Variants in ARHGAP6 observed in about 807,000 individuals in gnomAD.
ARHGAP6 encodes Rho GTPase activating protein 6.
A neutral mutation model predicts 55.7 loss-of-function variants in ARHGAP6; 16 were observed. The observed-to-expected ratio is 0.29, with a 90% CI of 0.19 to 0.44. The LOEUF (loss-of-function observed/expected upper bound fraction) is 0.44. ARHGAP6 is among the 20% of genes least tolerant of loss of function. The pLI, the probability that ARHGAP6 is intolerant of heterozygous loss-of-function variation, is 1.00. For missense variants in ARHGAP6, 698 were observed against 808.9 expected (o/e 0.86, Z 1.66); for synonymous variants, 382 against 360.9 (o/e 1.06, Z -0.66).
chrX:11,523,187 C>T (rs769737222), intron 1 of ARHGAP6, among the ~76,000 whole-genome samples: 118 of 111,704 alleles, frequency 1.1e-3, no homozygotes, highest in South Asian at 9.1e-3. Flanking sequence ...TTCAACAGCC[C>T]TTCATGCTAA....
Position 11,182,648 on chromosome X carries a change from T to C in ARHGAP6, c.1274-530A>G, listed in dbSNP as rs755294676. On this transcript the variant is annotated intron_variant, in intron 5 of 12. Coordinates refer to ENST00000337414, the MANE Select transcript of ARHGAP6 (RefSeq NM_013427.3). ...TTTTCCTTTTTTCTTTTTTTTTTTT[T>C]TTTTTGAGATAGATTCTCACTTTGT... is the stretch of plus-strand genomic sequence containing the variant. Among the ~76,000 whole-genome samples, 40 of 103,646 alleles carry C rather than the reference T, an allele frequency of 3.9e-4. No homozygotes were observed. In the East Asian group the frequency reaches 0.011, roughly 28 times the overall value. 90.0% of individuals were successfully genotyped at this position (103,646 alleles called of 115,157 possible).
intron 1 of ARHGAP6, among the ~76,000 whole-genome samples, chrX:11,423,188 C>T (rs1018714267): frequency 8.9e-6 from 1 of 112,976 alleles, no homozygotes; most frequent in Non-Finnish European, 1.9e-5. Flanking sequence ...GATGTCTACA[C>T]TGTTAGCACC....
intron 1 of ARHGAP6, among the ~76,000 whole-genome samples, chrX:11,305,861 C>T (rs780123471): frequency 3.6e-5 from 4 of 111,801 alleles, no homozygotes; most frequent in South Asian, 3.8e-4. Context: ...AATAAAACCC[C>T]TACAGCCATG....
At chrX:11,456,001 A>T (rs1156318077) in intron 1 of ARHGAP6, among the ~76,000 whole-genome samples, 1 of 112,449 alleles carries the variant, frequency 8.9e-6, no homozygotes, top group East Asian at 2.8e-4. Flanking sequence ...TATTAGAATT[A>T]ACAAGAGTTC....
rs775930844 is a variant in ARHGAP6 at position 11,388,077 on chromosome X, A to G, written c.589-133370T>C. Among the ~76,000 whole-genome samples, 176 of 111,837 alleles carry G rather than the reference A, an allele frequency of 1.6e-3. 1 individual carries two copies. Among genetic ancestry groups the G allele is most frequent in the Middle Eastern group, 4.6e-3 (1 of 218 alleles). On this transcript the variant is annotated intron_variant, in intron 1 of 12. Coordinates refer to ENST00000337414, the MANE Select transcript of ARHGAP6 (RefSeq NM_013427.3). Reference sequence around the variant, plus strand: ...CCTTTGGGTATATACCCAGTAATGCAATGGCTGGGTCAAATGGTATTTCAA... The same window carrying G: ...CCTTTGGGTATATACCCAGTAATGCGATGGCTGGGTCAAATGGTATTTCAA...
At chrX:11,512,114 C>T (rs1393848403) in intron 1 of ARHGAP6, among the ~76,000 whole-genome samples, 1 of 111,629 alleles carries the variant, frequency 9.0e-6, no homozygotes, top group Non-Finnish European at 1.9e-5. Context: ...GTGTGAGCCA[C>T]CACGCGTTTT....
At chrX:11,586,439 C>A (rs1206414569) in intron 1 of ARHGAP6, among the ~76,000 whole-genome samples, 1 of 111,598 alleles carries the variant, frequency 9.0e-6, no homozygotes, top group African/African-American at 3.3e-5. Context: ...GTCCTTTCCC[C>A]ATTGCTTGTT....
chrX:11,638,397 G>C (rs1341242742), intron 1 of ARHGAP6, among the ~76,000 whole-genome samples: 1 of 111,848 alleles, frequency 8.9e-6, no homozygotes, highest in South Asian at 3.7e-4. Context: ...TAGTGTTCAG[G>C]TTCTATGTGC....
At chrX:11,241,354 A>G (rs1210365863) in intron 2 of ARHGAP6, among the ~76,000 whole-genome samples, 3 of 110,997 alleles carry the variant, frequency 2.7e-5, no homozygotes, top group African/African-American at 6.5e-5. Flanking sequence ...TAAGCATTCT[A>G]TTGGTGAAAA....
At chrX:11,543,998 T>G (rs2051187019) in intron 1 of ARHGAP6, among the ~76,000 whole-genome samples, 1 of 112,670 alleles carries the variant, frequency 8.9e-6, no homozygotes, top group African/African-American at 3.2e-5. Flanking sequence ...ACAAGGAAAT[T>G]GACTTAATGC....
chrX:11,344,959 C>A (rs1040207435), intron 1 of ARHGAP6, among the ~76,000 whole-genome samples: 3 of 111,868 alleles, frequency 2.7e-5, no homozygotes, highest in African/African-American at 9.7e-5. Context: ...TACCACAAGG[C>A]AATTAGTATG....
intron 1 of ARHGAP6, among the ~76,000 whole-genome samples, chrX:11,411,183 TTATATATATATATATATATATATA>T (rs201875323): frequency 3.5e-4 from 11 of 31,775 alleles, no homozygotes; most frequent in East Asian, 3.3e-3. Flanking sequence ...CAGACATTAT[TTATATATATATATATATATATATA>T]TATATATATA....
chrX:11,279,657 C>T (rs1367903542), intron 1 of ARHGAP6, among the ~76,000 whole-genome samples: 1 of 102,632 alleles, frequency 9.7e-6, no homozygotes, highest in Non-Finnish European at 2.1e-5. Context: ...TCTTCCACCC[C>T]TCCATTTTTT....
intron 1 of ARHGAP6, among the ~76,000 whole-genome samples, chrX:11,440,066 G>T (rs2147796824): frequency 8.9e-6 from 1 of 112,216 alleles, no homozygotes; most frequent in South Asian, 3.7e-4. Flanking sequence ...CATCTGTCCT[G>T]GATTCAATTA....
intron 1 of ARHGAP6, among the ~76,000 whole-genome samples, chrX:11,255,089 T>C (rs1171167543): frequency 8.9e-6 from 1 of 111,869 alleles, no homozygotes; most frequent in Non-Finnish European, 1.9e-5. Context: ...GGGATGAGTG[T>C]GTATGGAGAG....
Position 11,137,657 on chromosome X carries a change from A to AG in ARHGAP6, c.*1205_*1206insC, listed in dbSNP as rs1280439318. 9.2e-6 allele frequency: 1 copy of AG among 108,473 alleles called. No individual in the cohort carries two copies. Among genetic ancestry groups the AG allele is most frequent in the African/African-American group, 3.4e-5 (1 of 29,675 alleles). 8.9% of individuals were successfully genotyped at this position (108,473 alleles called of 1,213,427 possible). On this transcript the variant is annotated 3_prime_UTR_variant, in exon 13 of 13. Transcript: ENST00000337414. ...AGCATGTTTTATAAAAAAAAAAAAA[A>AG]TCTTTTTTTATAATACACTTTCCCT...
At chrX:11,615,664 TA>T (rs1404611069) in intron 1 of ARHGAP6, among the ~76,000 whole-genome samples, 11 of 111,893 alleles carry the variant, frequency 9.8e-5, no homozygotes, top group Non-Finnish European at 1.7e-4. Context: ...AATAGGGCAT[TA>T]AAAAATAAGT....
intron 10 of ARHGAP6, among the ~76,000 whole-genome samples, chrX:11,145,505 T>A (rs945965251): frequency 2.7e-5 from 3 of 112,107 alleles, no homozygotes; most frequent in Non-Finnish European, 5.6e-5. Context: ...TGCCTCCTCT[T>A]TGAACTCTCA....
intron 2 of ARHGAP6, among the ~76,000 whole-genome samples, chrX:11,235,844 T>G (rs1158693407): frequency 9.0e-6 from 1 of 111,545 alleles, no homozygotes; most frequent in Non-Finnish European, 1.9e-5. Context: ...AGCATTTTGG[T>G]CAAAGCCATT....
Sources: allele counts gnomAD v4.1 joint callset (sites outside exome capture counted in the v4.1 genomes callset), GRCh38; gene constraint gnomAD v4.1.1; transcripts MANE v1.5; gene names NCBI Gene and HGNC (gene_info 2026-07-23, HGNC 2026-07-21).